Variants in SINHCAF observed in about 807,000 individuals in gnomAD.
The protein encoded by SINHCAF is SIN3-HDAC complex associated factor, also known as SIN3-HDAC complex-associated factor.
In SINHCAF, 3 loss-of-function variants were observed where a neutral mutation model predicts 25.8. That is an observed-to-expected ratio of 0.12 (90% CI 0.05 to 0.30). SINHCAF has a LOEUF of 0.30. Ranked by LOEUF, SINHCAF falls within the 10% of genes least tolerant of loss-of-function variation. The pLI, the probability that SINHCAF is intolerant of heterozygous loss-of-function variation, is 1.00. For missense variants in SINHCAF, 121 were observed against 262.3 expected, an observed-to-expected ratio of 0.46 and a Z score of 3.72; for synonymous variants, 70 against 85.5, an observed-to-expected ratio of 0.82 and a Z score of 1.00.
intron 2 of SINHCAF, among the ~76,000 whole-genome samples, chr12:31,295,888 A>T: frequency 6.6e-6 from 1 of 150,542 alleles, no homozygotes; most frequent in Non-Finnish European, 1.5e-5. Flanking sequence ...AAAAAAATTA[A>T]ATAATTAAAT....
chr12:31,292,327 A>C (rs80281198), intron 4 of SINHCAF, among the ~76,000 whole-genome samples: 3,079 of 151,902 alleles, frequency 0.02, 70 homozygotes, highest in African/African-American at 0.053. Context: ...GGCAAAACCC[A>C]AACTCTACTA....
intron 1 of SINHCAF, chr12:31,298,493 G>C: frequency 2.7e-6 from 1 of 366,642 alleles, no homozygotes; most frequent in South Asian, 3.1e-5. Context: ...AAATGGGGAA[G>C]AGAAGCATTT....
chr12:31,295,771 C>A (rs1938520508), intron 2 of SINHCAF, among the ~76,000 whole-genome samples: 1 of 151,898 alleles, frequency 6.6e-6, no homozygotes, highest in African/African-American at 2.4e-5. Flanking sequence ...ACTCAAGAGG[C>A]TTAAGCAGGA....
intron 1 of SINHCAF, chr12:31,311,926 A>G: frequency 3.5e-6 from 2 of 572,282 alleles, no homozygotes; most frequent in South Asian, 2.9e-5. Context: ...TATCTTTTCA[A>G]GAATGTGTGG....
At position 31,280,638 on chromosome 12, in the gene SINHCAF, A is replaced by G. The variant is rs573957455; in HGVS notation, c.*2074T>C. Reference sequence around the variant, plus strand: ...CAATACCCTAGTAAAAGTTTTGATTATAAGTATCCAACAGTATAAAAAGTA... The same window carrying G: ...CAATACCCTAGTAAAAGTTTTGATTGTAAGTATCCAACAGTATAAAAAGTA... On this transcript the variant is annotated 3_prime_UTR_variant, in exon 6 of 6. Coordinates refer to ENST00000337682, the MANE Select transcript of SINHCAF (RefSeq NM_001135812.2). The G allele has an allele frequency of 2.6e-5, 4 of 152,750 alleles. No individual in the cohort carries two copies. The highest frequency in any genetic ancestry group is 1.9e-4 in the East Asian group (1 of 5,190). The allele number at this position is 152,750 out of a possible 1,614,324, so 9.5% of individuals were successfully genotyped here. A position where few individuals can be genotyped will look rare whatever the true frequency, so the allele number is the denominator to read the frequency against.
At chr12:31,285,210 A>G (rs1300813476) in intron 5 of SINHCAF, among the ~76,000 whole-genome samples, 1 of 152,072 alleles carries the variant, frequency 6.6e-6, no homozygotes, top group Non-Finnish European at 1.5e-5. Context: ...CAGCATGGTG[A>G]AACCCAATCT....
intron 5 of SINHCAF, among the ~76,000 whole-genome samples, chr12:31,285,412 T>TACACACACACAC (rs1259370271): frequency 6.0e-5 from 4 of 66,434 alleles, no homozygotes; most frequent in African/African-American, 3.1e-4. Context: ...TATTTATATA[T>TACACACACACAC]ATACATACAC....
chr12:31,321,665 C>A (rs1939697602), intron 1 of SINHCAF, among the ~76,000 whole-genome samples: 2 of 152,080 alleles, frequency 1.3e-5, no homozygotes, highest in African/African-American at 4.8e-5. Context: ...CATTACTAAC[C>A]CAGAAACCTC....
chr12:31,306,322 A>G (rs944802327), intron 1 of SINHCAF, among the ~76,000 whole-genome samples: 1 of 152,198 alleles, frequency 6.6e-6, no homozygotes, highest in Admixed American at 6.5e-5. Context: ...GGTACACTGT[A>G]AATCAATCTT....
intron 1 of SINHCAF, among the ~76,000 whole-genome samples, chr12:31,319,922 A>G (rs1431161662): frequency 2.0e-5 from 3 of 152,088 alleles, no homozygotes; most frequent in African/African-American, 7.2e-5. Flanking sequence ...ATCCACAGTC[A>G]CACAAAAACA....
At chr12:31,314,118 C>G (rs1005728272) in intron 1 of SINHCAF, among the ~76,000 whole-genome samples, 4 of 152,072 alleles carry the variant, frequency 2.6e-5, no homozygotes, top group Non-Finnish European at 5.9e-5. Flanking sequence ...GGAAGGACAA[C>G]AAGAGCAGGG....
chr12:31,310,121 A>G lies in SINHCAF; in HGVS notation c.-20-11897T>C, dbSNP rs148373301. ...GAAGGTTAAACAGGTACTTCTGGGCATATCAGGAAAACATGGGATTGGCTA... is the reference window on the plus strand; with the variant it reads ...GAAGGTTAAACAGGTACTTCTGGGCGTATCAGGAAAACATGGGATTGGCTA... On this transcript the variant is annotated intron_variant, in intron 1 of 5. Transcript: ENST00000337682. Among the ~76,000 whole-genome samples, 654 of 152,328 alleles carry G rather than the reference A, an allele frequency of 4.3e-3. 6 individuals are homozygous for G. The highest frequency in any genetic ancestry group is 0.015 in the African/African-American group (627 of 41,560).
chr12:31,291,775 G>GA (rs745942006), intron 4 of SINHCAF, among the ~76,000 whole-genome samples: 208 of 124,930 alleles, frequency 1.7e-3, no homozygotes, highest in African/African-American at 3.1e-3. Flanking sequence ...CTCCATCTCA[G>GA]AAAAAAAAAA....
chr12:31,308,301 TCAGGCTGGTCATTCTTTAAA>T (rs1939118645), intron 1 of SINHCAF, among the ~76,000 whole-genome samples: 1 of 152,146 alleles, frequency 6.6e-6, no homozygotes, highest in East Asian at 1.9e-4. Context: ...CATGATGGGA[TCAGGCTGGTCATTCTTTAAA>T]CAGGTACAAA....
rs1287006274 is a variant in SINHCAF, at chr12:31,281,152, T to A, written c.*1560A>T. The A allele has an allele frequency of 1.3e-5, 2 of 152,202 alleles. No individual in the cohort carries two copies. Among genetic ancestry groups the A allele is most frequent in the Non-Finnish European group, 2.9e-5 (2 of 68,024 alleles). The allele number at this position is 152,202 out of a possible 1,614,324, so 9.4% of individuals were successfully genotyped here. A position where few individuals can be genotyped will look rare whatever the true frequency, so the allele number is the denominator to read the frequency against. ...CTTGTTATTACAAGGCAGGCAAATG[T>A]TTCTCCCTCATTTTGAAAAGACTGA... On this transcript the variant is annotated 3_prime_UTR_variant, in exon 6 of 6. Coordinates refer to ENST00000337682, the MANE Select transcript of SINHCAF (RefSeq NM_001135812.2).
chr12:31,285,508 G>A (rs1322998165), intron 5 of SINHCAF, among the ~76,000 whole-genome samples: 1 of 150,870 alleles, frequency 6.6e-6, no homozygotes, highest in Non-Finnish European at 1.5e-5. Context: ...CTCCTCCAAA[G>A]GGCTTTTGAT....
chr12:31,289,940 T>A (rs531592001), intron 4 of SINHCAF, among the ~76,000 whole-genome samples: 1 of 151,870 alleles, frequency 6.6e-6, no homozygotes, highest in African/African-American at 2.4e-5. Flanking sequence ...TCCTCCCGTC[T>A]CAGTCTCCTG....
chr12:31,292,971 G>A (rs762186292), intron 4 of SINHCAF, among the ~76,000 whole-genome samples: 8 of 152,112 alleles, frequency 5.3e-5, no homozygotes, highest in Non-Finnish European at 7.4e-5. Context: ...GAAAGCTCTG[G>A]AAACAGAAAG....
At chr12:31,284,165 T>C (rs1036749791) in intron 5 of SINHCAF, among the ~76,000 whole-genome samples, 1 of 152,228 alleles carries the variant, frequency 6.6e-6, no homozygotes, top group Non-Finnish European at 1.5e-5. Context: ...CACCTATAAC[T>C]GACAGTGTTC....
Sources: gnomAD v4.1 joint callset for allele counts (sites outside exome capture counted in the v4.1 genomes callset) on GRCh38, gnomAD v4.1.1 for gene constraint, MANE v1.5 for transcripts, NCBI Gene and HGNC (gene_info 2026-07-23, HGNC 2026-07-21) for gene names.